HLA-DOB: variants seen among roughly 807,000 people sequenced by gnomAD.
The protein encoded by HLA-DOB is major histocompatibility complex, class II, DO beta.
Under a neutral mutation model 27.7 loss-of-function variants are expected in HLA-DOB, and 25 were observed. That is an observed-to-expected ratio of 0.90 (90% CI 0.66 to 1.26). The LOEUF (loss-of-function observed/expected upper bound fraction) is 1.26. Ranked by LOEUF, HLA-DOB falls within the 50% of genes most tolerant of loss-of-function variation. The probability of loss-of-function intolerance (pLI) is 0.00; values close to 1 mark genes in which losing one functional copy is unlikely to be tolerated. For synonymous variants in HLA-DOB, 137 were observed against 125.6 expected, an observed-to-expected ratio of 1.09 and a Z score of -0.61; for missense variants, 306 against 324.9, an observed-to-expected ratio of 0.94 and a Z score of 0.45.
chr6:32,813,616 C>T (rs1352148170), intron 4 of HLA-DOB, 107 bp downstream of exon 4: 11 of 1,180,306 alleles, frequency 9.3e-6, no homozygotes, highest in East Asian at 2.5e-5. Flanking sequence ...CCGGTGATCC[C>T]TGAGAGGCAC....
In HLA-DOB at chr6:32,813,158, G is replaced by T; in HGVS notation, c.*58C>A. ...TCATGAATGTCCTTTACCTCACCCA[G>T]GGCCCAGACTACTCATCACTACTTC... On this transcript the variant is annotated 3_prime_UTR_variant, in exon 6 of 6. Transcript: ENST00000438763. The T allele has an allele frequency of 6.9e-7, 1 of 1,458,676 alleles. No individual in the cohort carries two copies. The highest frequency in any genetic ancestry group is 9.4e-7 in the Non-Finnish European group (1 of 1,060,024). The allele number at this position is 1,458,676 out of a possible 1,614,324, so 90.4% of individuals were successfully genotyped here. A position where few individuals can be genotyped will look rare whatever the true frequency, so the allele number is the denominator to read the frequency against.
chr6:32,813,709 C>T lies in HLA-DOB; in HGVS notation c.754+14G>A. ...CTGGGACAGGTGGCAGGGCACTCCTCACAGGCTCATTACCTTTCTGAGCCC... is the reference window on the plus strand; with the variant it reads ...CTGGGACAGGTGGCAGGGCACTCCTTACAGGCTCATTACCTTTCTGAGCCC... On this transcript the variant is annotated intron_variant, in intron 4 of 5. Transcript: ENST00000438763. 4 of 1,509,488 alleles carry T rather than the reference C, an allele frequency of 2.6e-6. No individual in the cohort carries two copies. The highest frequency in any genetic ancestry group is 3.6e-6 in the Non-Finnish European group (4 of 1,107,428). 93.5% of individuals were successfully genotyped at this position (1,509,488 alleles called of 1,614,324 possible).
chr6:32,813,126 A>G lies in HLA-DOB; in HGVS notation c.*90T>C. 8.7e-7 allele frequency: 1 copy of G among 1,154,702 alleles called. No individual in the cohort carries two copies. Among genetic ancestry groups the G allele is most frequent in the Non-Finnish European group, 1.3e-6 (1 of 761,420 alleles). The allele number at this position is 1,154,702 out of a possible 1,614,324, so 71.5% of individuals were successfully genotyped here. ...CAGGGAAGAGAGTTATTCCCAGAAC[A>G]TTGACCTCATGAATGTCCTTTACCT... On this transcript the variant is annotated 3_prime_UTR_variant, in exon 6 of 6. Coordinates refer to ENST00000438763, the MANE Select transcript of HLA-DOB (RefSeq NM_002120.4).
At chr6:32,813,569 C>T (rs767069743) in intron 4 of HLA-DOB, 98 bp from the exon 5 acceptor site, 21 of 1,368,118 alleles carry the variant, frequency 1.5e-5, no homozygotes, top group Non-Finnish European at 2.2e-5. Flanking sequence ...AGCACTCTCT[C>T]TGCTTATCCC....
chr6:32,813,922 T>C (rs1379354513), intron 3 of HLA-DOB, 89 bp from the exon 4 acceptor site: 1 of 812,992 alleles, frequency 1.2e-6, no homozygotes, highest in Non-Finnish European at 2.0e-6. Flanking sequence ...AGACACCAAA[T>C]CCAATGCTAG....
intron 3 of HLA-DOB, 22 bp from the exon 4 acceptor site, chr6:32,813,855 A>G (rs765140881): frequency 1.7e-5 from 23 of 1,368,214 alleles, no homozygotes; most frequent in Middle Eastern, 3.6e-4. Context: ...AGGTCTTTAA[A>G]TTAGTAAAAA....
In HLA-DOB at chr6:32,816,976, T is replaced by G; in HGVS notation, c.-25A>C. The G allele has an allele frequency of 9.0e-4, 1,231 of 1,363,078 alleles. No individual in the cohort carries two copies. Among genetic ancestry groups the G allele is most frequent in the Non-Finnish European group, 1.2e-3 (1,121 of 953,844 alleles). The allele number at this position is 1,363,078 out of a possible 1,614,324, so 84.4% of individuals were successfully genotyped here. ...TTCTGGAGAAAGGAAAAAAATGAGA[T>G]AGTAAAATCGTCAGCCTCTTCAGAA... On this transcript the variant is annotated 5_prime_UTR_variant, in exon 1 of 6. Transcript: ENST00000438763.
Position 32,815,153 on chromosome 6 carries a change from A to C in HLA-DOB, c.252T>G (p.Ala84=). The C allele has an allele frequency of 6.2e-7, 1 of 1,614,222 alleles. No individual in the cohort carries two copies. The highest frequency in any genetic ancestry group is 8.5e-7 in the Non-Finnish European group (1 of 1,180,042). ...VALTKLGQPD[A]EQWNSRLDLL... ...GATCCAGCCGGCTGTTCCACTGCTC[A>C]GCATCTGGCTGCCCCAGCTTGGTCA... The change falls in exon 2 of 6, where the codon GCT becomes GCG. Residue 84 remains alanine, a synonymous_variant. Transcript: ENST00000438763.
At position 32,814,415 on chromosome 6, in the gene HLA-DOB, G is replaced by A. The variant is rs943827909; in HGVS notation, c.548C>T (p.Thr183Ile). ...AGGAGTCATTTCTAGCATCACCACA[G>A]TCTGAAAGGTCCAGTCTCCATTCCT... is the stretch of plus-strand genomic sequence containing the variant. Reference protein sequence around the residue: ...PIRNGDWTFQTVVMLEMTPEL... With the variant: ...PIRNGDWTFQIVVMLEMTPEL... The change falls in exon 3 of 6, where the codon ACT becomes ATT. Residue 183 changes from threonine (T) to isoleucine (I), a missense_variant. Thr to Ile is a moderately conservative substitution (Grantham distance 89). Coordinates refer to ENST00000438763, the MANE Select transcript of HLA-DOB (RefSeq NM_002120.4). 3 of 1,612,992 alleles carry A rather than the reference G, an allele frequency of 1.9e-6. No individual in the cohort carries two copies. In the South Asian group the frequency reaches 3.3e-5, roughly 18 times the overall value.
At position 32,816,902 on chromosome 6, in the gene HLA-DOB, G is replaced by A. The variant is rs777764420; in HGVS notation, c.50C>T (p.Thr17Ile). Residue 17 changes from threonine (T) to isoleucine (I), a missense_variant, in exon 1 of 6, where the codon ACC becomes ATC. Thr to Ile is a moderately conservative substitution (Grantham distance 89, BLOSUM62 -1). Coordinates refer to ENST00000438763, the MANE Select transcript of HLA-DOB (RefSeq NM_002120.4). Reference sequence around the variant, plus strand: ...TTGAGTCATGGAGGAATCCAGTCGGGTCAGATTCACTAGCAGAGCCACCAC... The same window carrying A: ...TTGAGTCATGGAGGAATCCAGTCGGATCAGATTCACTAGCAGAGCCACCAC... Reference protein sequence around the residue: ...PWVVALLVNLTRLDSSMTQGT... With the variant: ...PWVVALLVNLIRLDSSMTQGT... The A allele has an allele frequency of 4.3e-6, 7 of 1,612,978 alleles. No homozygotes were observed. The South Asian group carries it at 7.7e-5, about 18-fold the overall frequency.
chr6:32,816,800 A>T, intron 1 of HLA-DOB, 61 bp downstream of exon 1: 1 of 1,353,496 alleles, frequency 7.4e-7, no homozygotes, highest in African/African-American at 1.4e-5. Flanking sequence ...AAAGAAAGGC[A>T]TCACTCCCCC....
chr6:32,813,578 C>A, intron 4 of HLA-DOB, 107 bp from the exon 5 acceptor site: 1 of 1,332,864 alleles, frequency 7.5e-7, no homozygotes, highest in Non-Finnish European at 1.1e-6. Context: ...TCTGCTTATC[C>A]CATTTCTAGC....
chr6:32,814,054 C>CA (rs1158735005), intron 3 of HLA-DOB: 1 of 605,700 alleles, frequency 1.7e-6, no homozygotes, highest in African/African-American at 1.9e-5. Flanking sequence ...ATACTAAGAC[C>CA]AAAGAATTAG....
At chr6:32,813,419 A>T (rs1303127374) in intron 5 of HLA-DOB, 21 bp downstream of exon 5, 1 of 1,612,388 alleles carries the variant, frequency 6.2e-7, no homozygotes, top group African/African-American at 1.3e-5. Context: ...CCACTCAAAG[A>T]CAAGGAAAAA....
At chr6:32,813,519 TATG>T (rs769399953) in intron 4 of HLA-DOB, 48 bp from the exon 5 acceptor site, 100 of 1,598,456 alleles carry the variant, frequency 6.3e-5, no homozygotes, top group Non-Finnish European at 8.3e-5. Context: ...TAGGACCCAA[TATG>T]ATTATCCCGA....
chr6:32,813,643 C>A, intron 4 of HLA-DOB, 80 bp downstream of exon 4: 1 of 1,201,646 alleles, frequency 8.3e-7, no homozygotes, highest in South Asian at 1.3e-5. Context: ...CTTTCCTTGC[C>A]TCAGATCATT....
rs543275553 is a variant in HLA-DOB, at chr6:32,816,886, G to A, written c.66C>T (p.Ser22=). Residue 22 remains serine, a synonymous_variant, in exon 1 of 6, where the codon TCC becomes TCT. Coordinates refer to ENST00000438763, the MANE Select transcript of HLA-DOB (RefSeq NM_002120.4). Reference sequence around the variant, plus strand: ...CTGGAGAGTCTGTGCCTTGAGTCATGGAGGAATCCAGTCGGGTCAGATTCA... The same window carrying A: ...CTGGAGAGTCTGTGCCTTGAGTCATAGAGGAATCCAGTCGGGTCAGATTCA... The part of the protein sequence containing the change: ...LLVNLTRLDS[S]MTQGTDSPED... The A allele has an allele frequency of 6.2e-6, 10 of 1,612,872 alleles. 1 individual carries two copies. In the South Asian group the frequency reaches 9.9e-5, roughly 16 times the overall value.
chr6:32,813,711 C>T lies in HLA-DOB; in HGVS notation c.754+12G>A, dbSNP rs1767896025. On this transcript the variant is annotated intron_variant, in intron 4 of 5. Transcript: ENST00000438763. ...GGGACAGGTGGCAGGGCACTCCTCA[C>T]AGGCTCATTACCTTTCTGAGCCCTT... 6.6e-7 allele frequency: 1 copy of T among 1,513,644 alleles called. No individual in the cohort carries two copies. Among genetic ancestry groups the T allele is most frequent in the Non-Finnish European group, 9.0e-7 (1 of 1,111,118 alleles). 93.8% of individuals were successfully genotyped at this position (1,513,644 alleles called of 1,614,324 possible).
chr6:32,816,200 G>A (rs1182547720), intron 1 of HLA-DOB, among the ~76,000 whole-genome samples: 1 of 152,016 alleles, frequency 6.6e-6, no homozygotes, highest in Non-Finnish European at 1.5e-5. Flanking sequence ...TCTGTTCTTA[G>A]CACATTACAT....
Sources: allele counts gnomAD v4.1 joint callset (sites outside exome capture counted in the v4.1 genomes callset), GRCh38; gene constraint gnomAD v4.1.1; transcripts MANE v1.5; gene names NCBI Gene and HGNC (gene_info 2026-07-23, HGNC 2026-07-21).